Variants in SNAP25 observed in about 807,000 individuals in gnomAD.
The protein encoded by SNAP25 is synaptosomal-associated protein 25.
A neutral mutation model predicts 28.7 loss-of-function variants in SNAP25; 3 were observed. The observed-to-expected ratio is 0.10, with a 90% CI of 0.05 to 0.27. SNAP25 has a LOEUF of 0.27. Ranked by LOEUF, SNAP25 falls within the 10% of genes least tolerant of loss-of-function variation. SNAP25 has a pLI of 1.00. For synonymous variants in SNAP25, 61 were observed against 88.1 expected (o/e 0.69, Z 1.72); for missense variants, 117 against 278.7 (o/e 0.42, Z 4.13).
chr20:10,229,328 C>T (rs1010170315), intron 1 of SNAP25, among the ~76,000 whole-genome samples: 4 of 151,964 alleles, frequency 2.6e-5, no homozygotes, highest in African/African-American at 7.3e-5. Context: ...TATGTGCACA[C>T]AATACACAAG....
At chr20:10,223,484 A>G (rs2062672161) in intron 1 of SNAP25, among the ~76,000 whole-genome samples, 1 of 152,190 alleles carries the variant, frequency 6.6e-6, no homozygotes, top group Admixed American at 6.5e-5. Flanking sequence ...ACACCACAGG[A>G]TAACATTTTT....
In SNAP25 at chr20:10,293,099, T is replaced by C. The variant is rs2064034420; in HGVS notation, c.164-62T>C. The C allele has an allele frequency of 1.3e-6, 2 of 1,520,470 alleles. No individual in the cohort carries two copies. The highest frequency in any genetic ancestry group is 1.8e-6 in the Non-Finnish European group (2 of 1,121,218). The allele number at this position is 1,520,470 out of a possible 1,614,324, so 94.2% of individuals were successfully genotyped here. A position where few individuals can be genotyped will look rare whatever the true frequency, so the allele number is the denominator to read the frequency against. ...AAGTGAATGTCTGAAGTTTTGTCTT[T>C]TTTTCTTTGTCCTTTTCCATCTGCT... On this transcript the variant is annotated intron_variant, in intron 4 of 7. Coordinates refer to ENST00000254976, the MANE Select transcript of SNAP25 (RefSeq NM_130811.4). This position sits in a 1 kb window ranked among gnomAD's most constrained non-coding sequence, Gnocchi z 5.6.
At chr20:10,221,058 A>T (rs1382051422) in intron 1 of SNAP25, among the ~76,000 whole-genome samples, 4 of 152,250 alleles carry the variant, frequency 2.6e-5, no homozygotes, top group Admixed American at 2.0e-4. Context: ...CTGCAGACAA[A>T]AATAAACAAC....
intron 1 of SNAP25, among the ~76,000 whole-genome samples, chr20:10,222,482 T>C (rs2062652501): frequency 6.6e-6 from 1 of 152,150 alleles, no homozygotes; most frequent in Admixed American, 6.6e-5. Context: ...ACTCTACAGT[T>C]GGCAAACCCT....
intron 5 of SNAP25, among the ~76,000 whole-genome samples, chr20:10,294,493 T>C (rs1407449393): frequency 6.6e-6 from 1 of 152,130 alleles, no homozygotes; most frequent in African/African-American, 2.4e-5. Context: ...AAAAATCACA[T>C]CAGAAATGTA....
chr20:10,224,828 C>T (rs2062706536), intron 1 of SNAP25, among the ~76,000 whole-genome samples: 1 of 151,900 alleles, frequency 6.6e-6, no homozygotes, highest in African/African-American at 2.4e-5. Flanking sequence ...CTGTCTCCTA[C>T]AACCTGCCTA....
intron 1 of SNAP25, among the ~76,000 whole-genome samples, chr20:10,256,213 T>G (rs565624045): frequency 1.7e-4 from 26 of 152,344 alleles, no homozygotes; most frequent in African/African-American, 6.0e-4. Context: ...TAAACTAGTT[T>G]GTTAGTAGTT....
chr20:10,242,975 C>T (rs2063062049), intron 1 of SNAP25, among the ~76,000 whole-genome samples: 1 of 152,210 alleles, frequency 6.6e-6, no homozygotes, highest in African/African-American at 2.4e-5. Flanking sequence ...CTGTCCCCTG[C>T]TCTGTGATTG....
chr20:10,244,025 G>C (rs192612515), intron 1 of SNAP25, among the ~76,000 whole-genome samples: 47 of 152,272 alleles, frequency 3.1e-4, no homozygotes, highest in African/African-American at 1.1e-3. Flanking sequence ...CTTCCTGACT[G>C]TTACCTTGGG....
At chr20:10,226,341 T>C (rs2062733442) in intron 1 of SNAP25, among the ~76,000 whole-genome samples, 1 of 152,210 alleles carries the variant, frequency 6.6e-6, no homozygotes, top group Admixed American at 6.5e-5. Flanking sequence ...GAGAAATTGC[T>C]GAATGTATCT....
At chr20:10,238,169 TCCACCCAC>T (rs2062958297) in intron 1 of SNAP25, among the ~76,000 whole-genome samples, 1 of 152,192 alleles carries the variant, frequency 6.6e-6, no homozygotes, top group Non-Finnish European at 1.5e-5. Flanking sequence ...CTGGTCTCGT[TCCACCCAC>T]ACATGGCAGG....
chr20:10,276,354 C>A (rs1053691245), intron 2 of SNAP25, among the ~76,000 whole-genome samples: 1 of 152,174 alleles, frequency 6.6e-6, no homozygotes, highest in Non-Finnish European at 1.5e-5. Context: ...GCAAATACTG[C>A]AGATCAGGAC....
chr20:10,290,647 CAA>C (rs61495689), intron 4 of SNAP25, among the ~76,000 whole-genome samples: 22,283 of 145,610 alleles, frequency 0.15, 1,833 homozygotes, highest in Admixed American at 0.21. Flanking sequence ...ATATTTTGGC[CAA>C]AAAAAAAAAA....
chr20:10,220,990 G>C (rs2062622363), intron 1 of SNAP25, among the ~76,000 whole-genome samples: 1 of 152,102 alleles, frequency 6.6e-6, no homozygotes. Context: ...AAAATTATTT[G>C]GGTGGACATT....
At chr20:10,233,784 G>T (rs887395665) in intron 1 of SNAP25, among the ~76,000 whole-genome samples, 7 of 152,136 alleles carry the variant, frequency 4.6e-5, no homozygotes, top group Admixed American at 3.9e-4. Context: ...AGTATCTCAG[G>T]CGTCTGGTTT....
At position 10,304,873 on chromosome 20, in the gene SNAP25, C is replaced by T. The variant is rs546036473; in HGVS notation, c.553-1256C>T. On this transcript the variant is annotated intron_variant, in intron 7 of 7. Transcript: ENST00000254976. ...GATTAGTATCACAGAGCATTTTAAACGGATGCTCACAACACTTGAGTTCAC... is the reference window on the plus strand; with the variant it reads ...GATTAGTATCACAGAGCATTTTAAATGGATGCTCACAACACTTGAGTTCAC... Among the ~76,000 whole-genome samples the T allele has an allele frequency of 4.6e-5, 7 of 152,216 alleles. No homozygotes were observed. The East Asian group carries it at 5.8e-4, about 13-fold the overall frequency.
intron 3 of SNAP25, among the ~76,000 whole-genome samples, chr20:10,284,467 AC>A (rs1272386134): frequency 1.3e-5 from 2 of 152,042 alleles, no homozygotes; most frequent in African/African-American, 4.8e-5. Flanking sequence ...TGCAGGCCCC[AC>A]CCCAGCCCTA....
intron 4 of SNAP25, among the ~76,000 whole-genome samples, chr20:10,292,682 G>A (rs2064024290): frequency 6.6e-6 from 1 of 152,126 alleles, no homozygotes; most frequent in Non-Finnish European, 1.5e-5. Context: ...GAATTACAAA[G>A]TATTTTGAGC....
At chr20:10,240,428 A>G (rs2122730775) in intron 1 of SNAP25, among the ~76,000 whole-genome samples, 1 of 152,316 alleles carries the variant, frequency 6.6e-6, no homozygotes, top group African/African-American at 2.4e-5. Flanking sequence ...CTAATATCAT[A>G]GCTAATCACA....
Sources: gnomAD v4.1 joint callset for allele counts (sites outside exome capture counted in the v4.1 genomes callset) on GRCh38, gnomAD v4.1.1 for gene constraint, Gnocchi (gnomAD v3.1) non-coding constraint, MANE v1.5 for transcripts, NCBI Gene and HGNC (gene_info 2026-07-23, HGNC 2026-07-21) for gene names.